Variants in NSDHL observed in about 807,000 individuals in gnomAD.
NSDHL encodes NAD(P) dependent 3-beta-hydroxysteroid dehydrogenase NSDHL, also known as sterol-4-alpha-carboxylate 3-dehydrogenase, decarboxylating.
A neutral mutation model predicts 23.0 loss-of-function variants in NSDHL; 1 was observed. The ratio of observed to expected loss-of-function variants is 0.04; its 90% CI spans 0.02 to 0.21. NSDHL has a LOEUF of 0.21. Ranked by LOEUF, NSDHL falls within the 10% of genes least tolerant of loss-of-function variation. The pLI is 1.00. For synonymous variants in NSDHL, 128 were observed against 121.1 expected, an observed-to-expected ratio of 1.06 and a Z score of -0.37; for missense variants, 237 against 300.9, an observed-to-expected ratio of 0.79 and a Z score of 1.57.
intron 5 of NSDHL, among the ~76,000 whole-genome samples, chrX:152,864,988 A>C (rs1469411566): frequency 8.9e-6 from 1 of 112,570 alleles, no homozygotes; most frequent in Non-Finnish European, 1.9e-5. Context: ...AGCAACTCAC[A>C]TGGGCCATCT....
Position 152,869,256 on chromosome X carries a change from CTT to C in NSDHL, c.*142_*143del. On this transcript the variant is annotated 3_prime_UTR_variant, in exon 8 of 8. Transcript: ENST00000370274. The stretch of plus-strand genomic sequence containing the variant: ...TGCTAGGCAGAGAGCGCACCCTACT[CTT>C]TCCGTGACGATGAGGGCGGCAAAAA... 2 of 542,597 alleles carry C rather than the reference CTT, an allele frequency of 3.7e-6. No individual in the cohort carries two copies. Among genetic ancestry groups the C allele is most frequent in the Non-Finnish European group, 6.4e-6 (2 of 314,676 alleles). 44.7% of individuals were successfully genotyped at this position (542,597 alleles called of 1,213,427 possible).
chrX:152,850,118 G>C, intron 2 of NSDHL, 147 bp from the exon 3 acceptor site: 3 of 584,403 alleles, frequency 5.1e-6, no homozygotes, highest in Non-Finnish European at 6.0e-6. Flanking sequence ...ACACCAGGAT[G>C]ATATAAAGCT....
At chrX:152,842,509 G>GT (rs1221764122) in intron 1 of NSDHL, among the ~76,000 whole-genome samples, 2 of 110,957 alleles carry the variant, frequency 1.8e-5, no homozygotes, top group Admixed American at 9.6e-5. Flanking sequence ...TTTGTTTTTT[G>GT]TTTTTTTGAG....
chrX:152,841,954 C>T (rs1290599882), intron 1 of NSDHL, among the ~76,000 whole-genome samples: 1 of 112,519 alleles, frequency 8.9e-6, no homozygotes, highest in East Asian at 2.8e-4. Context: ...TCACTCCCCA[C>T]TCACAGAGCA....
intron 1 of NSDHL, among the ~76,000 whole-genome samples, chrX:152,842,010 G>A (rs782027237): frequency 6.2e-5 from 7 of 112,157 alleles, no homozygotes; most frequent in Non-Finnish European, 1.3e-4. Flanking sequence ...TAATGTTCTC[G>A]AGGTTCACGC....
At chrX:152,865,699 C>G in intron 5 of NSDHL, 120 bp from the exon 6 acceptor site, 1 of 913,611 alleles carries the variant, frequency 1.1e-6, no homozygotes, top group Middle Eastern at 2.7e-4. Context: ...TGGCCACATG[C>G]CAGCAGAGTG....
chrX:152,857,678 C>G (rs1933463232), intron 3 of NSDHL, among the ~76,000 whole-genome samples: 1 of 111,972 alleles, frequency 8.9e-6, no homozygotes, highest in African/African-American at 3.3e-5. Flanking sequence ...ATTACTGGGA[C>G]AATTGGGGGA....
In NSDHL at chrX:152,845,237, G is replaced by A. The variant is rs782233672; in HGVS notation, c.-43-1045G>A. On this transcript the variant is annotated intron_variant, in intron 1 of 7. Coordinates refer to ENST00000370274, the MANE Select transcript of NSDHL (RefSeq NM_015922.3). Reference sequence around the variant, plus strand: ...ACATGATCATGCCCATTCGTTAAAAGTGGCAAGGAGTGTAAAATTCGAGGT... The same window carrying A: ...ACATGATCATGCCCATTCGTTAAAAATGGCAAGGAGTGTAAAATTCGAGGT... Among the ~76,000 whole-genome samples, 3 of 111,922 alleles carry A rather than the reference G, an allele frequency of 2.7e-5. No individual in the cohort carries two copies. The South Asian group carries it at 1.1e-3, about 42-fold the overall frequency.
intron 1 of NSDHL, among the ~76,000 whole-genome samples, chrX:152,838,928 A>G (rs1432351934): frequency 9.0e-6 from 1 of 111,569 alleles, no homozygotes; most frequent in Non-Finnish European, 1.9e-5. Flanking sequence ...ATTGAGTGGG[A>G]GTCTAAGTCT....
chrX:152,865,610 G>A (rs1252509040), intron 5 of NSDHL, among the ~76,000 whole-genome samples: 1 of 112,723 alleles, frequency 8.9e-6, no homozygotes, highest in Non-Finnish European at 1.9e-5. Flanking sequence ...TGGTGTGAGG[G>A]TGGGTGGGGT....
chrX:152,842,115 C>T (rs1297564324), intron 1 of NSDHL, among the ~76,000 whole-genome samples: 3 of 112,421 alleles, frequency 2.7e-5, no homozygotes, highest in East Asian at 5.5e-4. Flanking sequence ...GTTCATCTGT[C>T]AGTGGACACA....
intron 1 of NSDHL, among the ~76,000 whole-genome samples, chrX:152,834,575 C>T (rs782327095): frequency 3.9e-4 from 44 of 112,329 alleles, no homozygotes; most frequent in Admixed American, 2.8e-4. Flanking sequence ...GAAAGGGAGG[C>T]TTTATTGTTG....
intron 6 of NSDHL, 49 bp from the exon 7 acceptor site, chrX:152,867,522 C>T (rs199684877): frequency 3.0e-5 from 29 of 954,141 alleles, no homozygotes; most frequent in Non-Finnish European, 4.2e-5. Context: ...CCCTGGCCTT[C>T]GTGCAGGGGC....
intron 1 of NSDHL, among the ~76,000 whole-genome samples, chrX:152,842,505 T>C (rs958974355): frequency 2.7e-5 from 3 of 111,714 alleles, no homozygotes; most frequent in Admixed American, 9.5e-5. Context: ...ATTTTTTGTT[T>C]TTTGTTTTTT....
rs1556848451 is a variant in NSDHL at position 152,868,833 on chromosome X, C to G, written c.839C>G (p.Ser280Cys). The change falls in exon 8 of 8, where the codon TCT becomes TGT. Residue 280 changes from serine (S) to cysteine (C), a missense_variant. Physicochemically the swap from Ser to Cys is moderately radical, Grantham distance 112. Coordinates refer to ENST00000370274, the MANE Select transcript of NSDHL (RefSeq NM_015922.3). ...CCCATCCCTTTCTGGACATTCCTGT[C>G]TCGCATCCTGACAGGCCTCAATTAT... ...DEPIPFWTFL[S>C]RILTGLNYEA... 7 of 1,211,687 alleles carry G rather than the reference C, an allele frequency of 5.8e-6. No homozygotes were observed. The highest frequency in any genetic ancestry group is 5.6e-6 in the Non-Finnish European group (5 of 895,219).
At chrX:152,836,479 A>C (rs1040898596) in intron 1 of NSDHL, among the ~76,000 whole-genome samples, 20 of 111,719 alleles carry the variant, frequency 1.8e-4, no homozygotes, top group East Asian at 1.1e-3. Flanking sequence ...TAATTTTTGT[A>C]TAAGGTGTAA....
At chrX:152,853,128 CGT>C (rs35307183) in intron 3 of NSDHL, among the ~76,000 whole-genome samples, 46 of 97,107 alleles carry the variant, frequency 4.7e-4, no homozygotes, top group Non-Finnish European at 6.7e-4. Flanking sequence ...CTCTCAGGCA[CGT>C]GTGTGTGTGT....
chrX:152,854,652 C>T (rs917821200), intron 3 of NSDHL, among the ~76,000 whole-genome samples: 9 of 109,296 alleles, frequency 8.2e-5, no homozygotes, highest in African/African-American at 1.7e-4. Flanking sequence ...TCAGGTGATC[C>T]GCCCGCCTCT....
rs1302817520 is a variant in NSDHL, at chrX:152,857,238, A to G, written c.268-1532A>G. ...TTATTGTTCCAGGCAAGGACTATCAATAAATGCTGAGGTTAATTGGTAGAA... is the reference window on the plus strand; with the variant it reads ...TTATTGTTCCAGGCAAGGACTATCAGTAAATGCTGAGGTTAATTGGTAGAA... On this transcript the variant is annotated intron_variant, in intron 3 of 7. Transcript: ENST00000370274. Among the ~76,000 whole-genome samples, 3 of 112,561 alleles carry G rather than the reference A, an allele frequency of 2.7e-5. 1 individual carries two copies. Among genetic ancestry groups the G allele is most frequent in the Non-Finnish European group, 5.6e-5 (3 of 53,360 alleles).
Sources: allele counts gnomAD v4.1 joint callset (sites outside exome capture counted in the v4.1 genomes callset), GRCh38; gene constraint gnomAD v4.1.1; transcripts MANE v1.5; gene names NCBI Gene and HGNC (gene_info 2026-07-23, HGNC 2026-07-21).